The following CDK6 variants were observed in gnomAD, a reference collection of about 807,000 sequenced individuals.
The protein encoded by CDK6 is cyclin dependent kinase 6.
CDK6 carries 6 observed loss-of-function variants against 37.1 expected under a neutral mutation model. That is an observed-to-expected ratio of 0.16 (90% CI 0.09 to 0.32). The LOEUF is 0.32. Among genes scored for constraint, CDK6 ranks in the 10% least tolerant of loss-of-function variants. CDK6 has a pLI of 1.00. For synonymous variants in CDK6, 160 were observed against 161.3 expected, an observed-to-expected ratio of 0.99 and a Z score of 0.06; for missense variants, 224 against 418.9, an observed-to-expected ratio of 0.53 and a Z score of 4.06.
At chr7:92,766,643 A>G (rs1218276219) in intron 3 of CDK6, among the ~76,000 whole-genome samples, 2 of 152,248 alleles carry the variant, frequency 1.3e-5, no homozygotes, top group African/African-American at 4.8e-5. Context: ...GAGCCAAAAA[A>G]AGAGACTGCA....
intron 3 of CDK6, among the ~76,000 whole-genome samples, chr7:92,730,730 T>C (rs895154799): frequency 6.6e-6 from 1 of 152,230 alleles, no homozygotes; most frequent in African/African-American, 2.4e-5. Flanking sequence ...TCTTTAAGGT[T>C]AAATAATATT....
At chr7:92,628,975 C>A (rs1795992802) in intron 5 of CDK6, among the ~76,000 whole-genome samples, 2 of 151,938 alleles carry the variant, frequency 1.3e-5, no homozygotes, top group South Asian at 4.2e-4. Flanking sequence ...AAAAGTGTAG[C>A]AAAGGCAAAA....
At chr7:92,784,637 T>G (rs1367032615) in intron 2 of CDK6, among the ~76,000 whole-genome samples, 1 of 152,086 alleles carries the variant, frequency 6.6e-6, no homozygotes, top group African/African-American at 2.4e-5. Flanking sequence ...GGTGAGAGGA[T>G]GGGGTGAGGG....
intron 2 of CDK6, among the ~76,000 whole-genome samples, chr7:92,816,391 T>C (rs1238482566): frequency 6.6e-6 from 1 of 152,104 alleles, no homozygotes; most frequent in African/African-American, 2.4e-5. Flanking sequence ...ATGGAACAAG[T>C]ACCAAGATAA....
At chr7:92,619,332 T>G (rs989193975) in intron 6 of CDK6, among the ~76,000 whole-genome samples, 2 of 152,134 alleles carry the variant, frequency 1.3e-5, no homozygotes, top group Admixed American at 6.5e-5. Flanking sequence ...TATTTATAGT[T>G]TACATATAGG....
intron 4 of CDK6, among the ~76,000 whole-genome samples, chr7:92,678,806 C>G (rs1229385836): frequency 6.6e-6 from 1 of 152,200 alleles, no homozygotes; most frequent in Non-Finnish European, 1.5e-5. Flanking sequence ...CAGTTTCTTA[C>G]TGGCTTTGGC....
chr7:92,631,565 A>G (rs987031703), intron 5 of CDK6, among the ~76,000 whole-genome samples: 4 of 152,206 alleles, frequency 2.6e-5, no homozygotes, highest in Non-Finnish European at 5.9e-5. Flanking sequence ...CTCTTTCAGT[A>G]AATGACTTCG....
intron 4 of CDK6, among the ~76,000 whole-genome samples, chr7:92,703,903 AG>A (rs993813102): frequency 6.6e-6 from 1 of 152,174 alleles, no homozygotes; most frequent in African/African-American, 2.4e-5. Context: ...TCCCCCACAG[AG>A]GGGCCTCAGA....
intron 4 of CDK6, among the ~76,000 whole-genome samples, chr7:92,691,024 A>G (rs1424153759): frequency 3.9e-5 from 6 of 152,204 alleles, no homozygotes; most frequent in African/African-American, 1.2e-4. Flanking sequence ...TATCTTATTT[A>G]CTTTCAATTA....
chr7:92,680,787 TTC>T (rs904638543), intron 4 of CDK6, among the ~76,000 whole-genome samples: 4 of 152,182 alleles, frequency 2.6e-5, no homozygotes, highest in African/African-American at 9.7e-5. Flanking sequence ...GGGATTCTCT[TTC>T]TCTGAGTCTC....
At chr7:92,629,567 T>C (rs1198505305) in intron 5 of CDK6, among the ~76,000 whole-genome samples, 1 of 152,122 alleles carries the variant, frequency 6.6e-6, no homozygotes, top group Non-Finnish European at 1.5e-5. Flanking sequence ...ACTTTACATA[T>C]GACTAAAATA....
intron 3 of CDK6, among the ~76,000 whole-genome samples, chr7:92,744,595 T>C (rs987564411): frequency 3.3e-5 from 5 of 152,332 alleles, no homozygotes; most frequent in Non-Finnish European, 5.9e-5. Flanking sequence ...TTTACATCAG[T>C]TTACTCATTG....
intron 5 of CDK6, among the ~76,000 whole-genome samples, chr7:92,627,878 G>A (rs1333520908): frequency 6.6e-6 from 1 of 151,488 alleles, no homozygotes; most frequent in Non-Finnish European, 1.5e-5. Context: ...CAGGAGGAGG[G>A]TAAAAAAACT....
rs79734796 is a variant in CDK6 at position 92,831,728 on chromosome 7, T to A, written c.233+1363A>T. Among the ~76,000 whole-genome samples, 600 of 152,368 alleles carry A rather than the reference T, an allele frequency of 3.9e-3. 4 individuals carry two copies. The highest frequency in any genetic ancestry group is 0.013 in the African/African-American group (546 of 41,588). The stretch of plus-strand genomic sequence containing the variant: ...ATAACCATTTACTGCCTTATTTATA[T>A]ATTTATGATTCTTTGATGCCTTCTA... On this transcript the variant is annotated intron_variant, in intron 2 of 7. Coordinates refer to ENST00000424848, the MANE Select transcript of CDK6 (RefSeq NM_001145306.2).
At chr7:92,810,928 T>C (rs1378079842) in intron 2 of CDK6, among the ~76,000 whole-genome samples, 1 of 151,922 alleles carries the variant, frequency 6.6e-6, no homozygotes, top group Non-Finnish European at 1.5e-5. Context: ...TAGCTGGGCA[T>C]GGTGGTGCGT....
chr7:92,652,551 G>A (rs1364208341), intron 5 of CDK6, among the ~76,000 whole-genome samples: 1 of 152,068 alleles, frequency 6.6e-6, no homozygotes, highest in African/African-American at 2.4e-5. Flanking sequence ...TTTCAGGGGG[G>A]AATTTCTGAG....
At position 92,706,595 on chromosome 7, in the gene CDK6, T is replaced by A. The variant is rs188535291; in HGVS notation, c.537+19031A>T. ...AAGAAGAAAAGCACAACCATGAAGG[T>A]CTGTGCTCCAGGGCCACAACTCAAT... is the stretch of plus-strand genomic sequence containing the variant. On this transcript the variant is annotated intron_variant, in intron 4 of 7. Coordinates refer to ENST00000424848, the MANE Select transcript of CDK6 (RefSeq NM_001145306.2). Among the ~76,000 whole-genome samples, 4 of 152,332 alleles carry A rather than the reference T, an allele frequency of 2.6e-5. No individual in the cohort carries two copies. The East Asian group carries it at 7.7e-4, about 29-fold the overall frequency.
chr7:92,672,212 C>T (rs1038731797), intron 4 of CDK6, among the ~76,000 whole-genome samples: 7 of 136,348 alleles, frequency 5.1e-5, no homozygotes, highest in African/African-American at 2.1e-4. Flanking sequence ...CACACACACA[C>T]ACACACACAC....
At chr7:92,760,334 TATC>T (rs956931649) in intron 3 of CDK6, among the ~76,000 whole-genome samples, 14 of 152,276 alleles carry the variant, frequency 9.2e-5, no homozygotes, top group African/African-American at 3.1e-4. Context: ...ATTTTATCAA[TATC>T]ATCATCATCA....
Sources: allele counts gnomAD v4.1 joint callset (sites outside exome capture counted in the v4.1 genomes callset), GRCh38; gene constraint gnomAD v4.1.1; transcripts MANE v1.5; gene names NCBI Gene and HGNC (gene_info 2026-07-23, HGNC 2026-07-21).